The following STEAP3 variants were observed in gnomAD, a reference collection of about 807,000 sequenced individuals.
STEAP3 encodes the protein metalloreductase STEAP3.
Under a neutral mutation model 34.9 loss-of-function variants are expected in STEAP3, and 35 were observed. The observed-to-expected ratio is 1.00, with a 90% CI of 0.76 to 1.33. The LOEUF is 1.33. Among genes scored for constraint, STEAP3 ranks in the 40% most tolerant of loss-of-function variants. The pLI is 0.00. For synonymous variants in STEAP3, 281 were observed against 301.6 expected, an observed-to-expected ratio of 0.93 and a Z score of 0.71; for missense variants, 652 against 667.6, an observed-to-expected ratio of 0.98 and a Z score of 0.26.
chr2:119,253,499 A>G (rs1442646237), intron 4 of STEAP3, among the ~76,000 whole-genome samples: 1 of 152,112 alleles, frequency 6.6e-6, no homozygotes, highest in African/African-American at 2.4e-5. Context: ...TTGTTTCTCA[A>G]AAAACCTGTA....
At position 119,247,690 on chromosome 2, in the gene STEAP3, C is replaced by T. The variant is rs199733324; in HGVS notation, c.534C>T (p.Cys178=). Residue 178 remains cysteine (C), a synonymous_variant, in exon 4 of 6, where the codon TGC becomes TGT. Coordinates refer to ENST00000393110, the MANE Select transcript of STEAP3 (RefSeq NM_182915.3). The stretch of plus-strand genomic sequence containing the variant: ...CTTTTCTCCCGCAGGTGCCCATCTG[C>T]GGTGACCAGCCAGAAGCCAAGCGTG... ...PRDGNRQVPI[C]GDQPEAKRAV... 2.1e-5 allele frequency: 32 copies of T among 1,537,518 alleles called. No individual in the cohort carries two copies. The Middle Eastern group carries it at 7.0e-4, about 34-fold the overall frequency.
intron 2 of STEAP3, among the ~76,000 whole-genome samples, chr2:119,242,657 G>C (rs1392269154): frequency 6.6e-6 from 1 of 152,186 alleles, no homozygotes; most frequent in Non-Finnish European, 1.5e-5. Flanking sequence ...CCGTTTGCTG[G>C]GTGCTTATGA....
chr2:119,241,378 G>T (rs565269345), intron 2 of STEAP3, among the ~76,000 whole-genome samples: 1 of 152,314 alleles, frequency 6.6e-6, no homozygotes, highest in Admixed American at 6.5e-5. Context: ...CATCAGAAAG[G>T]TCAAGGAAGA....
intron 5 of STEAP3, among the ~76,000 whole-genome samples, chr2:119,260,318 T>C (rs78071000): frequency 3.7e-4 from 46 of 123,818 alleles, no homozygotes; most frequent in African/African-American, 7.3e-4. Flanking sequence ...TTTTTTTTTT[T>C]TCTTTTTTTT....
At chr2:119,242,908 C>T (rs566784919) in intron 2 of STEAP3, among the ~76,000 whole-genome samples, 29 of 152,300 alleles carry the variant, frequency 1.9e-4, no homozygotes, top group African/African-American at 7.0e-4. Context: ...ACCCGCCTGC[C>T]GTGGACTCAC....
At chr2:119,238,342 G>A (rs996565743) in intron 2 of STEAP3, among the ~76,000 whole-genome samples, 1 of 152,140 alleles carries the variant, frequency 6.6e-6, no homozygotes, top group South Asian at 2.1e-4. Flanking sequence ...CATCCTAGTG[G>A]GTGTGAAGTG....
At chr2:119,244,101 C>G (rs1193301830) in intron 2 of STEAP3, among the ~76,000 whole-genome samples, 1 of 152,114 alleles carries the variant, frequency 6.6e-6, no homozygotes, top group Non-Finnish European at 1.5e-5. Flanking sequence ...TATGGAAACA[C>G]AGCGAAAATA....
intron 2 of STEAP3, 117 bp downstream of exon 2, chr2:119,231,151 A>T: frequency 7.2e-7 from 1 of 1,395,202 alleles, no homozygotes; most frequent in Non-Finnish European, 1.0e-6. Flanking sequence ...AATCTCCAGG[A>T]GGTCCGAGGA....
intron 4 of STEAP3, among the ~76,000 whole-genome samples, chr2:119,249,359 G>C (rs1445494202): frequency 6.6e-6 from 1 of 152,070 alleles, no homozygotes; most frequent in African/African-American, 2.4e-5. Context: ...CATGGGGCTT[G>C]ATTCTTAGTC....
chr2:119,244,217 TTTATTATTATTATTATTATTATTA>T (rs145661549), intron 2 of STEAP3, among the ~76,000 whole-genome samples: 9 of 143,826 alleles, frequency 6.3e-5, no homozygotes, highest in East Asian at 2.0e-4. Flanking sequence ...TATTTTTACT[TTTATTATTATTATTATTATTATTA>T]TTATTATTAT....
At position 119,248,262 on chromosome 2, in the gene STEAP3, C is replaced by T. The variant is rs1184246587; in HGVS notation, c.1050+56C>T. The T allele has an allele frequency of 5.5e-5, 77 of 1,392,546 alleles. No individual in the cohort carries two copies. In the East Asian group the frequency reaches 1.8e-3, roughly 32 times the overall value. 86.3% of individuals were successfully genotyped at this position (1,392,546 alleles called of 1,614,324 possible). A position where few individuals can be genotyped will look rare whatever the true frequency, so the allele number is the denominator to read the frequency against. On this transcript the variant is annotated intron_variant, in intron 4 of 5. Transcript: ENST00000393110. ...CAACTCAGCACATGCTTGTCCAGCA[C>T]CTCCCCCCCCCACCAACCAGGTGCA...
chr2:119,246,254 G>C (rs1281854018), intron 3 of STEAP3: 2 of 456,764 alleles, frequency 4.4e-6, no homozygotes, highest in East Asian at 4.0e-5. Context: ...GTTTCCTAGA[G>C]GGCAAGGAGG....
rs1182887425 is a variant in STEAP3 at position 119,265,452 on chromosome 2, G to A, written c.*2114G>A. 1 of 152,202 alleles carries A rather than the reference G, an allele frequency of 6.6e-6. No individual in the cohort carries two copies. The highest frequency in any genetic ancestry group is 2.4e-5 in the African/African-American group (1 of 41,444). 9.4% of individuals were successfully genotyped at this position (152,202 alleles called of 1,614,324 possible). On this transcript the variant is annotated 3_prime_UTR_variant, in exon 6 of 6. Coordinates refer to ENST00000393110, the MANE Select transcript of STEAP3 (RefSeq NM_182915.3). ...CAGGCTACTGGCAGCAGCATCCCGA[G>A]AGCACATCATCTCCACAGCCTGGTA...
In STEAP3 at chr2:119,242,533, C is replaced by A. The variant is rs377377945; in HGVS notation, c.23-2956C>A. Among the ~76,000 whole-genome samples the A allele has an allele frequency of 4.6e-5, 7 of 152,318 alleles. No homozygotes were observed. In the South Asian group the frequency reaches 1.0e-3, roughly 23 times the overall value. On this transcript the variant is annotated intron_variant, in intron 2 of 5. Coordinates refer to ENST00000393110, the MANE Select transcript of STEAP3 (RefSeq NM_182915.3). ...CACCCAGCTCTTCATCCTCCTTCCCCGGGGCTGAAGGGGTGCCTGCAGGGT... is the reference window on the plus strand; with the variant it reads ...CACCCAGCTCTTCATCCTCCTTCCCAGGGGCTGAAGGGGTGCCTGCAGGGT...
chr2:119,258,252 C>G (rs1414579806), intron 5 of STEAP3, among the ~76,000 whole-genome samples: 1 of 152,170 alleles, frequency 6.6e-6, no homozygotes, highest in African/African-American at 2.4e-5. Flanking sequence ...CGAGGTCACT[C>G]TCGTTGCCAT....
chr2:119,232,584 A>C (rs1676977663), intron 2 of STEAP3, among the ~76,000 whole-genome samples: 2 of 151,944 alleles, frequency 1.3e-5, no homozygotes, highest in South Asian at 2.1e-4. Flanking sequence ...AGGGTGGGGG[A>C]CTTCCCTGAA....
chr2:119,230,980 G>T lies in STEAP3; in HGVS notation c.-33G>T. The T allele has an allele frequency of 6.2e-7, 1 of 1,614,198 alleles. No individual in the cohort carries two copies. The highest frequency in any genetic ancestry group is 8.5e-7 in the Non-Finnish European group (1 of 1,180,028). Reference sequence around the variant, plus strand: ...TCACCTCACGGTGAGGCTGTCGAGTGACCTGAGAGCCTCAGACCCTCACGT... The same window carrying T: ...TCACCTCACGGTGAGGCTGTCGAGTTACCTGAGAGCCTCAGACCCTCACGT... On this transcript the variant is annotated 5_prime_UTR_variant, in exon 2 of 6. Transcript: ENST00000393110.
At position 119,247,711 on chromosome 2, in the gene STEAP3, G is replaced by A. The variant is rs371746670; in HGVS notation, c.555G>A (p.Lys185=). ...TCTGCGGTGACCAGCCAGAAGCCAAGCGTGCTGTCTCGGAGATGGCGCTCG... is the reference window on the plus strand; with the variant it reads ...TCTGCGGTGACCAGCCAGAAGCCAAACGTGCTGTCTCGGAGATGGCGCTCG... The part of the protein sequence containing the change: ...VPICGDQPEA[K]RAVSEMALAM... Residue 185 remains lysine, a synonymous_variant, in exon 4 of 6, where the codon AAG becomes AAA. Transcript: ENST00000393110. 49 of 1,553,386 alleles carry A rather than the reference G, an allele frequency of 3.2e-5. No homozygotes were observed. Among genetic ancestry groups the A allele is most frequent in the Non-Finnish European group, 4.2e-5 (48 of 1,153,484 alleles).
rs935530153 is a variant in STEAP3, at chr2:119,257,767, A to G, written c.1215+2919A>G. ...AGCCCCATCACCCTCCCCTACACACATGTCCACAGCAGACACCAGGCTATG... is the reference window on the plus strand; with the variant it reads ...AGCCCCATCACCCTCCCCTACACACGTGTCCACAGCAGACACCAGGCTATG... On this transcript the variant is annotated intron_variant, in intron 5 of 5. Transcript: ENST00000393110. 56 of 1,331,574 alleles carry G rather than the reference A, an allele frequency of 4.2e-5. No homozygotes were observed. The East Asian group carries it at 1.5e-3, about 35-fold the overall frequency. 82.5% of individuals were successfully genotyped at this position (1,331,574 alleles called of 1,614,324 possible).
Sources: allele counts gnomAD v4.1 joint callset (sites outside exome capture counted in the v4.1 genomes callset), GRCh38; gene constraint gnomAD v4.1.1; transcripts MANE v1.5; gene names NCBI Gene and HGNC (gene_info 2026-07-23, HGNC 2026-07-21).